BCAS3: variants seen among roughly 807,000 people sequenced by gnomAD.
BCAS3 encodes the protein BCAS4/BCAS3 fusion.
A neutral mutation model predicts 116.1 loss-of-function variants in BCAS3; 53 were observed. That is an observed-to-expected ratio of 0.46 (90% CI 0.37 to 0.57). The LOEUF is 0.57. Ranked by LOEUF, BCAS3 falls within the 20% of genes least tolerant of loss-of-function variation. BCAS3 has a pLI of 0.00. For missense variants in BCAS3, 917 were observed against 1,165.4 expected (o/e 0.79, Z 3.10); for synonymous variants, 391 against 408.2 (o/e 0.96, Z 0.51).
chr17:61,092,581 T>A (rs545958485), intron 22 of BCAS3, among the ~76,000 whole-genome samples: 3 of 152,328 alleles, frequency 2.0e-5, no homozygotes, highest in African/African-American at 7.2e-5. Context: ...ATGTGAACTA[T>A]GGTTTGAATT....
intron 23 of BCAS3, chr17:61,383,639 G>T (rs549193278): frequency 6.6e-6 from 1 of 152,420 alleles, no homozygotes; most frequent in South Asian, 2.1e-4. Flanking sequence ...ACAGATAAGA[G>T]CACAGGCCTT....
chr17:61,260,406 T>C (rs2144584365), intron 22 of BCAS3, among the ~76,000 whole-genome samples: 1 of 152,342 alleles, frequency 6.6e-6, no homozygotes, highest in Non-Finnish European at 1.5e-5. Flanking sequence ...ACACAAGGTC[T>C]ATAGAAAATG....
chr17:60,811,657 A>G (rs2048836437), intron 7 of BCAS3, among the ~76,000 whole-genome samples: 1 of 152,280 alleles, frequency 6.6e-6, no homozygotes, highest in Admixed American at 6.5e-5. Flanking sequence ...AAAGGGTTAT[A>G]GCAATAACTC....
intron 22 of BCAS3, among the ~76,000 whole-genome samples, chr17:61,297,884 C>T (rs368822244): frequency 1.3e-5 from 2 of 151,956 alleles, no homozygotes; most frequent in South Asian, 2.1e-4. Flanking sequence ...TAAGGGATGT[C>T]GTCCCCTAAA....
intron 7 of BCAS3, among the ~76,000 whole-genome samples, chr17:60,828,963 C>T (rs1161563437): frequency 1.3e-5 from 2 of 151,848 alleles, no homozygotes; most frequent in African/African-American, 4.8e-5. Context: ...CGTGTAGAGT[C>T]AAAGAACCTG....
chr17:61,379,288 C>T lies in BCAS3; in HGVS notation c.2593+10794C>T, dbSNP rs1482457989. The T allele has an allele frequency of 1.3e-5, 2 of 152,310 alleles. No homozygotes were observed. Among genetic ancestry groups the T allele is most frequent in the East Asian group, 1.9e-4 (1 of 5,202 alleles). 9.4% of individuals were successfully genotyped at this position (152,310 alleles called of 1,614,324 possible). ...ATGGTTAAATTCCCACCTTTCCCTT[C>T]TGCCCTTGCCTCTGCCCCTCTGCCT... On this transcript the variant is annotated intron_variant, in intron 23 of 23. Coordinates refer to ENST00000407086, the MANE Select transcript of BCAS3 (RefSeq NM_017679.5). The surrounding 1 kb of genome is among the most constrained non-coding windows in gnomAD (Gnocchi z 5.5).
intron 18 of BCAS3, among the ~76,000 whole-genome samples, chr17:61,038,516 G>T (rs1184010492): frequency 2.0e-5 from 3 of 151,794 alleles, no homozygotes; most frequent in African/African-American, 7.3e-5. Flanking sequence ...GCCTCCCAAA[G>T]TGCTGGAATT....
rs908367466 is a variant in BCAS3 at position 61,077,288 on chromosome 17, C to A, written c.2131-1045C>A. On this transcript the variant is annotated intron_variant, in intron 20 of 23. Coordinates refer to ENST00000407086, the MANE Select transcript of BCAS3 (RefSeq NM_017679.5). The surrounding 1 kb of genome is among the most constrained non-coding windows in gnomAD (Gnocchi z 4.3). ...ATCCCAGCACTTTGGGAGGCCGAGG[C>A]AGGCGGATCACCAGGTCAGGAGACC... Among the ~76,000 whole-genome samples the A allele has an allele frequency of 1.3e-5, 2 of 152,154 alleles. No individual in the cohort carries two copies. Among genetic ancestry groups the A allele is most frequent in the Admixed American group, 1.3e-4 (2 of 15,284 alleles).
chr17:60,770,647 G>A (rs2044586452), intron 6 of BCAS3, among the ~76,000 whole-genome samples: 1 of 150,884 alleles, frequency 6.6e-6, no homozygotes, highest in African/African-American at 2.4e-5. Context: ...TCGATCTCCT[G>A]ACCTCGTGAT....
At chr17:61,064,751 A>G (rs1217057367) in intron 19 of BCAS3, among the ~76,000 whole-genome samples, 2 of 152,222 alleles carry the variant, frequency 1.3e-5, no homozygotes, top group African/African-American at 4.8e-5. Context: ...CCAGAGATGT[A>G]CAATACTGAC....
chr17:60,726,877 A>G (rs1191309510), intron 5 of BCAS3, among the ~76,000 whole-genome samples: 2 of 152,142 alleles, frequency 1.3e-5, no homozygotes, highest in East Asian at 3.8e-4. Flanking sequence ...AAATTGTTAT[A>G]ACTGGAATAT....
rs1490218149 is a variant in BCAS3, at chr17:61,313,336, C to T, written c.2426-54991C>T. Among the ~76,000 whole-genome samples, 1 of 152,212 alleles carries T rather than the reference C, an allele frequency of 6.6e-6. No individual in the cohort carries two copies. The highest frequency in any genetic ancestry group is 2.4e-5 in the African/African-American group (1 of 41,452). ...GTCTTCCCTCCACCATGCCCTACTA[C>T]CTTCCTATAGGAAGCTTAATCTGCG... On this transcript the variant is annotated intron_variant, in intron 22 of 23. Transcript: ENST00000407086. This position sits in a 1 kb window ranked among gnomAD's most constrained non-coding sequence, Gnocchi z 4.3.
rs373837874 is a variant in BCAS3 at position 61,272,636 on chromosome 17, CAAAAAA to C, written c.2426-95665_2426-95660del. ...CTGGTGACAGAGTGAAACCCTGTCT[CAAAAAA>C]AAAAAAAAAAAAAAAAAAAAAAAAA... is the stretch of plus-strand genomic sequence containing the variant. On this transcript the variant is annotated intron_variant, in intron 22 of 23. Coordinates refer to ENST00000407086, the MANE Select transcript of BCAS3 (RefSeq NM_017679.5). Among the ~76,000 whole-genome samples the C allele has an allele frequency of 9.7e-3, 457 of 47,304 alleles. 2 individuals are homozygous for C. The highest frequency in any genetic ancestry group is 0.013 in the Non-Finnish European group (332 of 25,796). 31.0% of individuals were successfully genotyped at this position (47,304 alleles called of 152,430 possible).
At chr17:61,154,512 T>C (rs9913723) in intron 22 of BCAS3, among the ~76,000 whole-genome samples, 12,512 of 151,724 alleles carry the variant, frequency 0.082, 1,729 homozygotes, top group African/African-American at 0.29. Context: ...CATGGCTCAC[T>C]GCAGCCTAGA....
At chr17:60,706,769 A>G (rs1162598518) in intron 4 of BCAS3, among the ~76,000 whole-genome samples, 2 of 151,422 alleles carry the variant, frequency 1.3e-5, no homozygotes, top group Non-Finnish European at 2.9e-5. Flanking sequence ...AAAAAACAAA[A>G]CAAAACAAAA....
Position 61,364,475 on chromosome 17 carries a change from G to A in BCAS3, c.2426-3852G>A, listed in dbSNP as rs138452859. Among the ~76,000 whole-genome samples the A allele has an allele frequency of 6.6e-3, 1,003 of 152,324 alleles. 20 individuals are homozygous for A. In the East Asian group the frequency reaches 0.068, roughly 10 times the overall value. On this transcript the variant is annotated intron_variant, in intron 22 of 23. Coordinates refer to ENST00000407086, the MANE Select transcript of BCAS3 (RefSeq NM_017679.5). The surrounding 1 kb of genome is among the most constrained non-coding windows in gnomAD (Gnocchi z 5.4). ...TCATGCCTGTAATTCCAGCACTTTG[G>A]GAGGCGAAGGTGGGTGGATCACTTG...
chr17:60,735,475 A>G (rs1326855510), intron 5 of BCAS3, among the ~76,000 whole-genome samples: 1 of 151,574 alleles, frequency 6.6e-6, no homozygotes, highest in Non-Finnish European at 1.5e-5. Context: ...TATTTTTGAG[A>G]CAGGGTCTCA....
At position 61,136,573 on chromosome 17, in the gene BCAS3, T is replaced by A. The variant is rs2076652315; in HGVS notation, c.2425+52009T>A. ...TGGACAAAATTGTCCCATTTATTTATTGAGAGACGGAGGCTGGATGTTGTC... is the reference window on the plus strand; with the variant it reads ...TGGACAAAATTGTCCCATTTATTTAATGAGAGACGGAGGCTGGATGTTGTC... On this transcript the variant is annotated intron_variant, in intron 22 of 23. Transcript: ENST00000407086. The surrounding 1 kb of genome is among the most constrained non-coding windows in gnomAD (Gnocchi z 4.4). 6.6e-6 allele frequency among the ~76,000 whole-genome samples: 1 copy of A among 152,164 alleles called. No individual in the cohort carries two copies. The highest frequency in any genetic ancestry group is 1.5e-5 in the Non-Finnish European group (1 of 68,038).
Position 60,921,986 on chromosome 17 carries a change from CT to C in BCAS3, c.994-2412del, listed in dbSNP as rs777238820. On this transcript the variant is annotated intron_variant, in intron 12 of 23. Transcript: ENST00000407086. ...CATAATACAGATAAAACATTTTTTTCTTTTTTTTTCTCAGTAATACTTGTTC... is the reference window on the plus strand; with the variant it reads ...CATAATACAGATAAAACATTTTTTTCTTTTTTTTCTCAGTAATACTTGTTC... Among the ~76,000 whole-genome samples, 640 of 150,824 alleles carry C rather than the reference CT, an allele frequency of 4.2e-3. 3 individuals carry two copies. Among genetic ancestry groups the C allele is most frequent in the African/African-American group, 0.013 (551 of 41,120 alleles).
Sources: gnomAD v4.1 joint callset for allele counts (sites outside exome capture counted in the v4.1 genomes callset) on GRCh38, gnomAD v4.1.1 for gene constraint, Gnocchi (gnomAD v3.1) non-coding constraint, MANE v1.5 for transcripts, NCBI Gene and HGNC (gene_info 2026-07-23, HGNC 2026-07-21) for gene names.